The following TBC1D9 variants were observed in gnomAD, a reference collection of about 807,000 sequenced individuals.
TBC1D9 encodes TBC1 domain family member 9, also known as TBC1 domain family member 9A.
In TBC1D9, 63 loss-of-function variants were observed where a neutral mutation model predicts 132.0. The observed-to-expected ratio is 0.48, with a 90% CI of 0.39 to 0.59. The LOEUF (loss-of-function observed/expected upper bound fraction) is 0.59, where lower values mean the gene tolerates loss of function less well. Among genes scored for constraint, TBC1D9 ranks in the 20% least tolerant of loss-of-function variants. TBC1D9 has a pLI of 0.00. For missense variants in TBC1D9, 1,261 were observed against 1,592.7 expected, an observed-to-expected ratio of 0.79 and a Z score of 3.54; for synonymous variants, 610 against 609.9, an observed-to-expected ratio of 1.00 and a Z score of 0.00.
intron 2 of TBC1D9, among the ~76,000 whole-genome samples, chr4:140,697,244 C>T (rs1010731360): frequency 6.6e-6 from 1 of 151,862 alleles, no homozygotes; most frequent in South Asian, 2.1e-4. Flanking sequence ...TAGCAGGGCA[C>T]GGTGGTGTGT....
rs544227468 is a variant in TBC1D9, at chr4:140,643,130, G to A, written c.2338-3702C>T. 1.4e-3 allele frequency: 1,943 copies of A among 1,422,032 alleles called. 2 individuals carry two copies. The highest frequency in any genetic ancestry group is 1.6e-3 in the Non-Finnish European group (1,672 of 1,032,062). 88.1% of individuals were successfully genotyped at this position (1,422,032 alleles called of 1,614,324 possible). On this transcript the variant is annotated intron_variant, in intron 13 of 20. Coordinates refer to ENST00000442267, the MANE Select transcript of TBC1D9 (RefSeq NM_015130.3). The stretch of plus-strand genomic sequence containing the variant: ...CAGGTTCTTGAGCGGGTCCCACCAC[G>A]GGCCCATCCAGCACCTCCCTCAGCA...
At chr4:140,690,760 G>C (rs938956854) in intron 2 of TBC1D9, among the ~76,000 whole-genome samples, 5 of 152,100 alleles carry the variant, frequency 3.3e-5, no homozygotes, top group Non-Finnish European at 7.4e-5. Flanking sequence ...AGTATAGCAG[G>C]AACTCTAAAA....
At position 140,622,011 on chromosome 4, in the gene TBC1D9, T is replaced by C. The variant is rs1736621740; in HGVS notation, c.*184A>G. On this transcript the variant is annotated 3_prime_UTR_variant, in exon 21 of 21. Transcript: ENST00000442267. Reference sequence around the variant, plus strand: ...CCCCGCAACAAGAGTGTAATGTACCTACATTGAGGTGTTTAAATATTTCTC... The same window carrying C: ...CCCCGCAACAAGAGTGTAATGTACCCACATTGAGGTGTTTAAATATTTCTC... 1.3e-6 allele frequency: 1 copy of C among 782,096 alleles called. No individual in the cohort carries two copies. The highest frequency in any genetic ancestry group is 1.9e-6 in the Non-Finnish European group (1 of 538,704). 48.4% of individuals were successfully genotyped at this position (782,096 alleles called of 1,614,324 possible). A position where few individuals can be genotyped will look rare whatever the true frequency, so the allele number is the denominator to read the frequency against.
At chr4:140,714,543 A>G (rs924972905) in intron 1 of TBC1D9, among the ~76,000 whole-genome samples, 2 of 152,154 alleles carry the variant, frequency 1.3e-5, no homozygotes, top group African/African-American at 4.8e-5. Context: ...TATTTAGATG[A>G]TGTCTCATAG....
At chr4:140,688,081 G>A (rs1737815347) in intron 2 of TBC1D9, among the ~76,000 whole-genome samples, 1 of 151,870 alleles carries the variant, frequency 6.6e-6, no homozygotes, top group African/African-American at 2.4e-5. Context: ...GACACAGTGA[G>A]ACCCTGTCTA....
intron 1 of TBC1D9, among the ~76,000 whole-genome samples, chr4:140,714,622 G>A (rs1738302219): frequency 6.6e-6 from 1 of 152,144 alleles, no homozygotes; most frequent in Admixed American, 6.5e-5. Flanking sequence ...GCTAAGCTCT[G>A]AGCTAATCTC....
At chr4:140,644,402 G>T in intron 13 of TBC1D9, 1 of 286,140 alleles carries the variant, frequency 3.5e-6, no homozygotes. Context: ...CCAGCGGCTG[G>T]ATGACCTTGG....
At chr4:140,692,681 C>T (rs567071349) in intron 2 of TBC1D9, among the ~76,000 whole-genome samples, 45 of 152,302 alleles carry the variant, frequency 3.0e-4, no homozygotes, top group African/African-American at 7.9e-4. Context: ...ATAATGCCTT[C>T]TATTATTTGT....
intron 1 of TBC1D9, among the ~76,000 whole-genome samples, chr4:140,711,126 T>C (rs977859502): frequency 3.5e-4 from 53 of 152,138 alleles, no homozygotes; most frequent in African/African-American, 1.1e-3. Flanking sequence ...GTGATCTAAT[T>C]CCTCAAAGAA....
intron 15 of TBC1D9, among the ~76,000 whole-genome samples, chr4:140,638,527 A>C (rs1366507593): frequency 6.6e-6 from 1 of 151,666 alleles, no homozygotes; most frequent in Non-Finnish European, 1.5e-5. Flanking sequence ...AAAAGAAAAA[A>C]GAAAAATATA....
chr4:140,709,939 A>G (rs1448586894), intron 1 of TBC1D9, among the ~76,000 whole-genome samples: 2 of 152,230 alleles, frequency 1.3e-5, no homozygotes, highest in Non-Finnish European at 2.9e-5. Flanking sequence ...TGTGCAGCCC[A>G]GTTCCTAACA....
intron 1 of TBC1D9, among the ~76,000 whole-genome samples, chr4:140,750,739 A>G (rs1738911911): frequency 6.6e-6 from 1 of 152,120 alleles, no homozygotes; most frequent in Non-Finnish European, 1.5e-5. Flanking sequence ...ACTCAATGTA[A>G]TGTCAATCAA....
Position 140,729,818 on chromosome 4 carries a change from CAAAAAAAAAAAA to C in TBC1D9, c.130+26086_130+26097del, listed in dbSNP as rs35283552. Among the ~76,000 whole-genome samples the C allele has an allele frequency of 4.0e-4, 21 of 51,916 alleles. No individual in the cohort carries two copies. In the East Asian group the frequency reaches 6.4e-3, roughly 16 times the overall value. The allele number at this position is 51,916 out of a possible 152,430, so 34.1% of individuals were successfully genotyped here. A position where few individuals can be genotyped will look rare whatever the true frequency, so the allele number is the denominator to read the frequency against. On this transcript the variant is annotated intron_variant, in intron 1 of 20. Coordinates refer to ENST00000442267, the MANE Select transcript of TBC1D9 (RefSeq NM_015130.3). ...CTGGTGACAGAGCAAGATTCCATCTCAAAAAAAAAAAAAAAAAAAAAAAAAAATCCCCTTGAG... is the reference window on the plus strand; with the variant it reads ...CTGGTGACAGAGCAAGATTCCATCTCAAAAAAAAAAAAAAATCCCCTTGAG...
At chr4:140,729,033 C>T (rs1188997858) in intron 1 of TBC1D9, among the ~76,000 whole-genome samples, 1 of 152,082 alleles carries the variant, frequency 6.6e-6, no homozygotes, top group East Asian at 1.9e-4. Context: ...CATTCTGGGG[C>T]CCATGCTAGA....
intron 10 of TBC1D9, among the ~76,000 whole-genome samples, chr4:140,660,413 T>C (rs1427416837): frequency 6.6e-6 from 1 of 152,256 alleles, no homozygotes; most frequent in Non-Finnish European, 1.5e-5. Context: ...TCTTTTGATC[T>C]CCCAGAAACC....
intron 1 of TBC1D9, among the ~76,000 whole-genome samples, chr4:140,748,524 A>G (rs908519987): frequency 6.6e-6 from 1 of 152,208 alleles, no homozygotes; most frequent in Non-Finnish European, 1.5e-5. Flanking sequence ...AAACATCACA[A>G]ATTATCTAGA....
rs56768107 is a variant in TBC1D9, at chr4:140,731,668, T to TACACAC, written c.130+24242_130+24247dup. On this transcript the variant is annotated intron_variant, in intron 1 of 20. Transcript: ENST00000442267. The stretch of plus-strand genomic sequence containing the variant: ...AATGGCACCATAGTTTTAAAACACA[T>TACACAC]ACACACACACACACACACACACACA... Among the ~76,000 whole-genome samples, 242 of 147,204 alleles carry TACACAC rather than the reference T, an allele frequency of 1.6e-3. 2 individuals are homozygous for TACACAC. The highest frequency in any genetic ancestry group is 2.2e-3 in the East Asian group (11 of 5,018).
At chr4:140,746,126 T>C (rs1327665324) in intron 1 of TBC1D9, among the ~76,000 whole-genome samples, 1 of 152,196 alleles carries the variant, frequency 6.6e-6, no homozygotes, top group Non-Finnish European at 1.5e-5. Context: ...CCCGAATTTG[T>C]TCACCCATGT....
intron 1 of TBC1D9, among the ~76,000 whole-genome samples, chr4:140,716,807 T>G (rs1738340746): frequency 6.6e-6 from 1 of 151,730 alleles, no homozygotes; most frequent in Admixed American, 6.6e-5. Context: ...TTAATTATAT[T>G]GTCTACACCT....
Sources: allele counts gnomAD v4.1 joint callset (sites outside exome capture counted in the v4.1 genomes callset), GRCh38; gene constraint gnomAD v4.1.1; transcripts MANE v1.5; gene names NCBI Gene and HGNC (gene_info 2026-07-23, HGNC 2026-07-21).